The following BBS9 variants were observed in gnomAD, a reference collection of about 807,000 sequenced individuals.
BBS9 encodes protein PTHB1.
Under a neutral mutation model 117.7 loss-of-function variants are expected in BBS9, and 89 were observed. The ratio of observed to expected loss-of-function variants is 0.76; its 90% confidence interval spans 0.64 to 0.90. The LOEUF is 0.90. BBS9 is among the 40% of genes least tolerant of loss of function. The pLI is 0.00. For missense variants in BBS9, 982 were observed against 1,042.2 expected (o/e 0.94, Z 0.80); for synonymous variants, 379 against 370.9 (o/e 1.02, Z -0.25).
intron 1 of BBS9, among the ~76,000 whole-genome samples, chr7:33,143,032 C>T (rs754813764): frequency 1.1e-4 from 17 of 151,918 alleles, no homozygotes; most frequent in East Asian, 3.9e-4. Flanking sequence ...TGCAGTGGCG[C>T]GATCTCGGCT....
Position 33,357,896 on chromosome 7 carries a change from A to T in BBS9, c.1594A>T (p.Lys532Ter). Residue 532 changes from lysine to a stop codon, truncating the protein, a stop_gained, in exon 16 of 23, where the codon AAG becomes TAG. Coordinates refer to ENST00000242067, the MANE Select transcript of BBS9 (RefSeq NM_198428.3). LOFTEE classifies it high-confidence loss of function. ...CCAATGTAAATTTAGACTTCCCCTA[A>T]AGTTAATTTGCCTACCAGGTCAGCC... ...VIQCKFRLPLKLICLPGQPSK... is the reference protein window; with the variant it reads ...VIQCKFRLPL 1 of 1,612,074 alleles carries T rather than the reference A, an allele frequency of 6.2e-7. No homozygotes were observed. The highest frequency in any genetic ancestry group is 8.5e-7 in the Non-Finnish European group (1 of 1,178,426).
chr7:33,254,915 T>C (rs1796789037), intron 5 of BBS9, among the ~76,000 whole-genome samples: 1 of 152,210 alleles, frequency 6.6e-6, no homozygotes, highest in South Asian at 2.1e-4. Flanking sequence ...ATTAGCAATG[T>C]TGAGCACCTT....
chr7:33,259,859 TTCAGGC>T (rs900671374), intron 6 of BBS9, among the ~76,000 whole-genome samples: 1 of 152,006 alleles, frequency 6.6e-6, no homozygotes, highest in Non-Finnish European at 1.5e-5. Context: ...TTCCCATTGG[TTCAGGC>T]CTATATTTTT....
At chr7:33,421,446 C>T (rs1169331144) in intron 19 of BBS9, among the ~76,000 whole-genome samples, 1 of 152,046 alleles carries the variant, frequency 6.6e-6, no homozygotes, top group Non-Finnish European at 1.5e-5. Context: ...AAACTATATC[C>T]ATTTTGTTAG....
chr7:33,245,429 G>T (rs1795185730), intron 5 of BBS9, among the ~76,000 whole-genome samples: 1 of 152,044 alleles, frequency 6.6e-6, no homozygotes, highest in Admixed American at 6.6e-5. Flanking sequence ...ACTAAACTCT[G>T]TAATAATTTT....
intron 16 of BBS9, among the ~76,000 whole-genome samples, chr7:33,366,897 G>A (rs1267859729): frequency 6.6e-6 from 1 of 152,112 alleles, no homozygotes; most frequent in Non-Finnish European, 1.5e-5. Flanking sequence ...TGGATCTACA[G>A]CTAGCAGAGT....
chr7:33,562,647 T>C (rs1856256873), intron 21 of BBS9, among the ~76,000 whole-genome samples: 1 of 152,184 alleles, frequency 6.6e-6, no homozygotes, highest in Non-Finnish European at 1.5e-5. Context: ...GAAAGGAGGC[T>C]GGGCGCGGTG....
intron 17 of BBS9, 133 bp downstream of exon 17, chr7:33,367,995 T>C (rs1003018265): frequency 7.9e-6 from 6 of 757,382 alleles, no homozygotes; most frequent in Non-Finnish European, 1.2e-5. Flanking sequence ...GCCATGATAT[T>C]AAGTAGATAG....
At chr7:33,608,442 C>A (rs994675715), downstream of BBS9, among the ~76,000 whole-genome samples, 3 of 152,026 alleles carry the variant, frequency 2.0e-5, no homozygotes, top group Admixed American at 2.0e-4. Context: ...GTTCTAAGTT[C>A]TTTGAGAAAT....
chr7:33,556,019 A>G (rs1855232378), intron 21 of BBS9, among the ~76,000 whole-genome samples: 1 of 152,142 alleles, frequency 6.6e-6, no homozygotes, highest in African/African-American at 2.4e-5. Flanking sequence ...CATGATTACT[A>G]TTTTTGTTTA....
intron 9 of BBS9, among the ~76,000 whole-genome samples, chr7:33,285,369 A>G (rs1457876179): frequency 6.6e-6 from 1 of 152,134 alleles, no homozygotes; most frequent in Non-Finnish European, 1.5e-5. Flanking sequence ...GCATTGTGGT[A>G]TACTGTAACT....
At chr7:33,517,356 C>T (rs955070039) in intron 20 of BBS9, among the ~76,000 whole-genome samples, 1 of 152,210 alleles carries the variant, frequency 6.6e-6, no homozygotes. Context: ...AATGCTTCCA[C>T]CTGCTCAACA....
At chr7:33,376,395 A>C (rs528475019) in intron 17 of BBS9, among the ~76,000 whole-genome samples, 10 of 152,290 alleles carry the variant, frequency 6.6e-5, no homozygotes, top group Admixed American at 6.5e-4. Context: ...ATTGCTGCAC[A>C]GTATTCTATG....
intron 1 of BBS9, among the ~76,000 whole-genome samples, chr7:33,143,356 C>G (rs2128086621): frequency 6.6e-6 from 1 of 152,236 alleles, no homozygotes; most frequent in Admixed American, 6.5e-5. Context: ...ACAGAGATTC[C>G]AATTTCTCCA....
chr7:33,384,955 G>A (rs1239926770), intron 18 of BBS9, among the ~76,000 whole-genome samples: 3 of 152,000 alleles, frequency 2.0e-5, no homozygotes, highest in East Asian at 3.9e-4. Context: ...TCAAATTGTA[G>A]CACCAAAATT....
At chr7:33,196,654 C>CT (rs1422661734) in intron 5 of BBS9, among the ~76,000 whole-genome samples, 1 of 152,154 alleles carries the variant, frequency 6.6e-6, no homozygotes, top group Admixed American at 6.5e-5. Flanking sequence ...GGCTCCCGTT[C>CT]CTTGCCTAGG....
chr7:33,253,278 G>T (rs1269741332), intron 5 of BBS9, among the ~76,000 whole-genome samples: 1 of 152,100 alleles, frequency 6.6e-6, no homozygotes, highest in Non-Finnish European at 1.5e-5. Context: ...ATCTGGGTTT[G>T]GTTGCTTTAA....
chr7:33,158,977 C>T (rs1175631078), intron 4 of BBS9, among the ~76,000 whole-genome samples: 3 of 143,786 alleles, frequency 2.1e-5, no homozygotes, highest in African/African-American at 5.0e-5. Context: ...GGTACAGAAA[C>T]GGTCAGGTTG....
chr7:33,293,280 G>C (rs1250458737), intron 9 of BBS9, among the ~76,000 whole-genome samples: 1 of 151,812 alleles, frequency 6.6e-6, no homozygotes, highest in African/African-American at 2.4e-5. Context: ...AAAATAGAAG[G>C]GGTTATAGCA....
Sources: allele counts gnomAD v4.1 joint callset (sites outside exome capture counted in the v4.1 genomes callset), GRCh38; gene constraint gnomAD v4.1.1; transcripts MANE v1.5; gene names NCBI Gene and HGNC (gene_info 2026-07-23, HGNC 2026-07-21).